ATP8A2: variants seen among roughly 807,000 people sequenced by gnomAD.
ATP8A2 encodes the protein phospholipid-transporting ATPase IB.
ATP8A2 carries 100 observed loss-of-function variants against 165.6 expected under a neutral mutation model. That is an observed-to-expected ratio of 0.60 (90% CI 0.51 to 0.71). ATP8A2 has a LOEUF of 0.71. Ranked by LOEUF, ATP8A2 falls within the 30% of genes least tolerant of loss-of-function variation. ATP8A2 has a pLI of 0.00. For missense variants in ATP8A2, 1,227 were observed against 1,479.5 expected (o/e 0.83, Z 2.80); for synonymous variants, 543 against 548.8 (o/e 0.99, Z 0.15).
At chr13:25,729,979 G>T (rs941233425) in intron 25 of ATP8A2, among the ~76,000 whole-genome samples, 1 of 152,080 alleles carries the variant, frequency 6.6e-6, no homozygotes, top group Non-Finnish European at 1.5e-5. Context: ...GCTTGTTTTT[G>T]TTCACATCTA....
At position 25,775,827 on chromosome 13, in the gene ATP8A2, G is replaced by A. The variant is rs776119200; in HGVS notation, c.2679+868G>A. Reference sequence around the variant, plus strand: ...GACTCTTAGTAAAAATAATAAGCAAGGAAGAAATCAACTTTTTCTGATGTA... The same window carrying A: ...GACTCTTAGTAAAAATAATAAGCAAAGAAGAAATCAACTTTTTCTGATGTA... On this transcript the variant is annotated intron_variant, in intron 27 of 36. Coordinates refer to ENST00000381655, the MANE Select transcript of ATP8A2 (RefSeq NM_016529.6). 8.5e-5 allele frequency among the ~76,000 whole-genome samples: 13 copies of A among 152,176 alleles called. No homozygotes were observed. In the East Asian group the frequency reaches 1.7e-3, roughly 20 times the overall value.
rs569325126 is a variant in ATP8A2 at position 25,574,764 on chromosome 13, T to C, written c.1663-44T>C. On this transcript the variant is annotated intron_variant, in intron 18 of 36. Coordinates refer to ENST00000381655, the MANE Select transcript of ATP8A2 (RefSeq NM_016529.6). ...TTGGGAGACAATTGCTTTGAGATTTTAATACTTTGCACCTCGGTTAAGAGC... is the reference window on the plus strand; with the variant it reads ...TTGGGAGACAATTGCTTTGAGATTTCAATACTTTGCACCTCGGTTAAGAGC... 147 of 1,147,632 alleles carry C rather than the reference T, an allele frequency of 1.3e-4. 1 individual carries two copies. In the South Asian group the frequency reaches 1.7e-3, roughly 13 times the overall value. The allele number at this position is 1,147,632 out of a possible 1,614,324, so 71.1% of individuals were successfully genotyped here.
In ATP8A2 at chr13:25,600,021, C is replaced by T. The variant is rs540304282; in HGVS notation, c.2211+10322C>T. ...TCAGGAGATAAAAACCACATCTGGTCTCTGAACAGAGTGGTTTCAATGTTA... is the reference window on the plus strand; with the variant it reads ...TCAGGAGATAAAAACCACATCTGGTTTCTGAACAGAGTGGTTTCAATGTTA... On this transcript the variant is annotated intron_variant, in intron 24 of 36. Transcript: ENST00000381655. Among the ~76,000 whole-genome samples, 6 of 152,260 alleles carry T rather than the reference C, an allele frequency of 3.9e-5. No individual in the cohort carries two copies. The East Asian group carries it at 1.2e-3, about 29-fold the overall frequency.
chr13:25,487,628 A>C lies in ATP8A2; in HGVS notation c.221+18507A>C, dbSNP rs186140552. Among the ~76,000 whole-genome samples, 324 of 143,494 alleles carry C rather than the reference A, an allele frequency of 2.3e-3. 1 individual carries two copies. The highest frequency in any genetic ancestry group is 8.4e-3 in the African/African-American group (280 of 33,314). The allele number at this position is 143,494 out of a possible 152,430, so 94.1% of individuals were successfully genotyped here. A position where few individuals can be genotyped will look rare whatever the true frequency, so the allele number is the denominator to read the frequency against. On this transcript the variant is annotated intron_variant, in intron 2 of 36. Transcript: ENST00000381655. ...TTGGAATGTACCACTTGGGTTTTACAAAAAAAACCAGGTATTGTCTTGTAT... is the reference window on the plus strand; with the variant it reads ...TTGGAATGTACCACTTGGGTTTTACCAAAAAAACCAGGTATTGTCTTGTAT...
At chr13:25,775,275 G>A (rs2044716188) in intron 27 of ATP8A2, among the ~76,000 whole-genome samples, 1 of 152,142 alleles carries the variant, frequency 6.6e-6, no homozygotes, top group Non-Finnish European at 1.5e-5. Context: ...GTAGAATCTT[G>A]CTAATACTCA....
intron 35 of ATP8A2, among the ~76,000 whole-genome samples, chr13:26,007,743 G>A (rs1279581777): frequency 6.6e-6 from 1 of 152,192 alleles, no homozygotes; most frequent in Non-Finnish European, 1.5e-5. Flanking sequence ...AGGGTTAGAG[G>A]AGGTGAAGCC....
chr13:25,756,327 C>CT (rs11379467), intron 25 of ATP8A2, among the ~76,000 whole-genome samples: 103,229 of 137,232 alleles, frequency 0.75, 39,442 homozygotes, highest in South Asian at 0.84. Context: ...CTGTTGGATT[C>CT]TTTTTTTTTT....
chr13:25,529,859 T>C (rs1025582484), intron 2 of ATP8A2, 140 bp from the exon 3 acceptor site: 2 of 556,100 alleles, frequency 3.6e-6, no homozygotes, highest in African/African-American at 3.8e-5. Context: ...TAGGAGAAGA[T>C]ACACAGCAAT....
chr13:25,470,196 G>A (rs1267111634), intron 2 of ATP8A2, among the ~76,000 whole-genome samples: 3 of 152,200 alleles, frequency 2.0e-5, no homozygotes, highest in Admixed American at 6.5e-5. Context: ...GAATAATGGT[G>A]CATATTATAT....
intron 1 of ATP8A2, among the ~76,000 whole-genome samples, chr13:25,442,188 G>A (rs903014618): frequency 6.6e-6 from 1 of 152,184 alleles, no homozygotes; most frequent in African/African-American, 2.4e-5. Flanking sequence ...GCTGTGAATA[G>A]TGCTGCTATA....
chr13:25,636,999 A>C (rs1038805657), intron 24 of ATP8A2, among the ~76,000 whole-genome samples: 2 of 138,828 alleles, frequency 1.4e-5, no homozygotes, highest in African/African-American at 2.7e-5. Context: ...TTGAGGCTGG[A>C]GGATTGCTTA....
intron 2 of ATP8A2, among the ~76,000 whole-genome samples, chr13:25,505,248 G>GTCTCTCTC (rs137985732): frequency 2.0e-5 from 3 of 149,886 alleles, no homozygotes; most frequent in Non-Finnish European, 4.4e-5. Context: ...CTGTTAATCA[G>GTCTCTCTC]TCTCTCTCTC....
chr13:25,517,681 A>G (rs1185610378), intron 2 of ATP8A2, among the ~76,000 whole-genome samples: 1 of 152,226 alleles, frequency 6.6e-6, no homozygotes, highest in South Asian at 2.1e-4. Context: ...TCCTGGTCCA[A>G]TTACTGCATT....
In ATP8A2 at chr13:25,636,679, G is replaced by A. The variant is rs929576645; in HGVS notation, c.2211+46980G>A. ...CCTGCTCTTCCCCTACCACAATCTC[G>A]CCTTCACTCCTGTTCTGAATTTTGT... On this transcript the variant is annotated intron_variant, in intron 24 of 36. Coordinates refer to ENST00000381655, the MANE Select transcript of ATP8A2 (RefSeq NM_016529.6). Among the ~76,000 whole-genome samples, 4 of 152,146 alleles carry A rather than the reference G, an allele frequency of 2.6e-5. No homozygotes were observed. In the East Asian group the frequency reaches 5.8e-4, roughly 22 times the overall value.
intron 12 of ATP8A2, 101 bp from the exon 13 acceptor site, chr13:25,554,888 GGT>G: frequency 1.4e-6 from 1 of 735,366 alleles, no homozygotes; most frequent in Non-Finnish European, 2.2e-6. Flanking sequence ...AAAATAAAAG[GGT>G]TTTAGATTAC....
chr13:25,802,100 G>A (rs1950634213), intron 27 of ATP8A2, among the ~76,000 whole-genome samples: 2 of 152,198 alleles, frequency 1.3e-5, no homozygotes, highest in African/African-American at 4.8e-5. Flanking sequence ...ATATCACATG[G>A]TAACCTACGT....
At chr13:25,434,348 C>T (rs1207347570) in intron 1 of ATP8A2, among the ~76,000 whole-genome samples, 1 of 150,678 alleles carries the variant, frequency 6.6e-6, no homozygotes, top group Non-Finnish European at 1.5e-5. Context: ...TCTTTTCTCT[C>T]TCTTTTTTTT....
At chr13:25,572,272 C>G (rs1324086313) in intron 18 of ATP8A2, among the ~76,000 whole-genome samples, 3 of 152,150 alleles carry the variant, frequency 2.0e-5, no homozygotes, top group Non-Finnish European at 4.4e-5. Flanking sequence ...GTAGCTGGGA[C>G]TGACTACAGG....
intron 1 of ATP8A2, among the ~76,000 whole-genome samples, chr13:25,460,136 G>A (rs1027016446): frequency 2.0e-5 from 3 of 152,322 alleles, no homozygotes; most frequent in African/African-American, 7.2e-5. Flanking sequence ...GGGAGGCAGA[G>A]GTTGCAGTGA....
Sources: gnomAD v4.1 joint callset for allele counts (sites outside exome capture counted in the v4.1 genomes callset) on GRCh38, gnomAD v4.1.1 for gene constraint, MANE v1.5 for transcripts, NCBI Gene and HGNC (gene_info 2026-07-23, HGNC 2026-07-21) for gene names.